ELMOD3: variants seen among roughly 807,000 people sequenced by gnomAD.
ELMOD3 encodes the protein ELMO domain containing 3.
A neutral mutation model predicts 47.4 loss-of-function variants in ELMOD3; 36 were observed. The observed-to-expected ratio is 0.76, with a 90% confidence interval of 0.58 to 1.00. ELMOD3 has a LOEUF of 1.00. Among genes scored for constraint, ELMOD3 ranks in the 50% least tolerant of loss-of-function variants. The pLI, the probability that ELMOD3 is intolerant of heterozygous loss-of-function variation, is 0.00. For synonymous variants in ELMOD3, 149 were observed against 183.5 expected, an observed-to-expected ratio of 0.81 and a Z score of 1.52; for missense variants, 404 against 463.8, an observed-to-expected ratio of 0.87 and a Z score of 1.18.
chr2:85,373,066 C>G (rs962500483), intron 10 of ELMOD3, among the ~76,000 whole-genome samples: 1 of 151,750 alleles, frequency 6.6e-6, no homozygotes, highest in Non-Finnish European at 1.5e-5. Context: ...ACCAGCCTGG[C>G]CAACATGGCG....
chr2:85,389,708 T>G, intron 11 of ELMOD3, 43 bp from the exon 12 acceptor site: 5 of 1,566,688 alleles, frequency 3.2e-6, no homozygotes, highest in Non-Finnish European at 4.4e-6. Flanking sequence ...GGAAACACAG[T>G]GAGAGCTGGA....
At chr2:85,359,456 G>T (rs950822021) in intron 4 of ELMOD3, among the ~76,000 whole-genome samples, 5 of 137,254 alleles carry the variant, frequency 3.6e-5, no homozygotes, top group Non-Finnish European at 7.6e-5. Flanking sequence ...TGCCCAGGCT[G>T]GAGTGCAATG....
chr2:85,371,411 G>T, intron 9 of ELMOD3, 29 bp from the exon 10 acceptor site: 1 of 1,613,676 alleles, frequency 6.2e-7, no homozygotes, highest in Non-Finnish European at 8.5e-7. Context: ...GGGCAATCTG[G>T]CAGAGAGTGT....
At chr2:85,371,795 A>G (rs1002366845) in intron 10 of ELMOD3, 1 of 438,498 alleles carries the variant, frequency 2.3e-6, no homozygotes, top group Non-Finnish European at 4.1e-6. Flanking sequence ...GCACTTTGGG[A>G]GGCTGAAGAG....
intron 4 of ELMOD3, 103 bp downstream of exon 4, chr2:85,357,355 C>T: frequency 1.4e-6 from 1 of 697,714 alleles, no homozygotes; most frequent in South Asian, 2.1e-5. Context: ...TTTAGAAACC[C>T]TCATTATAGT....
chr2:85,386,543 CCTAG>C (rs1006498796), intron 11 of ELMOD3, among the ~76,000 whole-genome samples: 2 of 151,952 alleles, frequency 1.3e-5, no homozygotes, highest in Admixed American at 6.6e-5. Flanking sequence ...CACCAGTACA[CCTAG>C]CTAATTTTTG....
chr2:85,362,261 G>A lies in ELMOD3; in HGVS notation c.129+1G>A, dbSNP rs779093145. On this transcript the variant is annotated splice_donor_variant, in intron 5 of 13. Coordinates refer to ENST00000409013, the MANE Select transcript of ELMOD3 (RefSeq NM_001135022.2). LOFTEE classifies it high-confidence loss of function. Reference sequence around the variant, plus strand: ...TGTTCTGGCTTTCAGAGGAATCCCTGTATGTATCACCCACAACTTGGTACC... The same window carrying A: ...TGTTCTGGCTTTCAGAGGAATCCCTATATGTATCACCCACAACTTGGTACC... The A allele has an allele frequency of 3.2e-6, 5 of 1,561,910 alleles. No homozygotes were observed. The South Asian group carries it at 5.6e-5, about 17-fold the overall frequency.
At chr2:85,373,092 T>C (rs1261326973) in intron 10 of ELMOD3, among the ~76,000 whole-genome samples, 1 of 151,430 alleles carries the variant, frequency 6.6e-6, no homozygotes, top group African/African-American at 2.4e-5. Flanking sequence ...CCATCTCTAC[T>C]AAAAATATAT....
intron 10 of ELMOD3, among the ~76,000 whole-genome samples, chr2:85,374,621 C>T (rs1685037580): frequency 6.6e-6 from 1 of 151,742 alleles, no homozygotes; most frequent in South Asian, 2.1e-4. Context: ...GGATTACAGG[C>T]ATAAGCCACC....
chr2:85,367,707 AC>A (rs1294334903), intron 6 of ELMOD3: 18 of 152,220 alleles, frequency 1.2e-4, no homozygotes, highest in African/African-American at 4.3e-4. Context: ...AAATTTAAAA[AC>A]AAAAAGAAAA....
rs1211034876 is a variant in ELMOD3, at chr2:85,390,992, G to A, written c.*30G>A. On this transcript the variant is annotated 3_prime_UTR_variant, in exon 14 of 14. Coordinates refer to ENST00000409013, the MANE Select transcript of ELMOD3 (RefSeq NM_001135022.2). The stretch of plus-strand genomic sequence containing the variant: ...CGAGATGAATGGAGGCTTAAAGGCT[G>A]AGCTGCAGGGGCTTTCAGGGGGTCA... 6.5e-7 allele frequency: 1 copy of A among 1,540,198 alleles called. No individual in the cohort carries two copies. Among genetic ancestry groups the A allele is most frequent in the Non-Finnish European group, 8.8e-7 (1 of 1,139,012 alleles).
intron 6 of ELMOD3, chr2:85,367,472 C>T (rs942314917): frequency 2.6e-5 from 4 of 152,246 alleles, no homozygotes; most frequent in African/African-American, 9.6e-5. Flanking sequence ...CTGGATGGCC[C>T]TGGGGCAAAG....
intron 6 of ELMOD3, among the ~76,000 whole-genome samples, 176 bp downstream of exon 6, chr2:85,363,342 T>G (rs1684121066): frequency 6.6e-6 from 1 of 152,206 alleles, no homozygotes; most frequent in Non-Finnish European, 1.5e-5. Context: ...AAGACCAGAG[T>G]TCTGATCTTC....
chr2:85,359,405 C>CTT (rs765640567), intron 4 of ELMOD3, among the ~76,000 whole-genome samples: 1,739 of 106,960 alleles, frequency 0.016, 122 homozygotes, highest in African/African-American at 0.054. Context: ...TTACATGACT[C>CTT]TTTTTTTTTT....
rs1684741751 is a variant in ELMOD3 at position 85,370,904 on chromosome 2, G to A, written c.361-182G>A. On this transcript the variant is annotated intron_variant, in intron 8 of 13. Transcript: ENST00000409013. ...TGCAAAAAATCTGGGAGCTGGAAGA[G>A]CCTGGCTCTAGAGACTCAACAGGTG... is the stretch of plus-strand genomic sequence containing the variant. 2.0e-5 allele frequency among the ~76,000 whole-genome samples: 3 copies of A among 152,254 alleles called. 1 individual carries two copies. The South Asian group carries it at 6.2e-4, about 31-fold the overall frequency.
intron 8 of ELMOD3, among the ~76,000 whole-genome samples, chr2:85,370,704 TC>T: frequency 6.6e-6 from 1 of 152,258 alleles, no homozygotes; most frequent in East Asian, 1.9e-4. Flanking sequence ...GTCATCTAAC[TC>T]TAGTGGGTCC....
chr2:85,357,018 T>C lies in ELMOD3; in HGVS notation c.-181T>C. The C allele has an allele frequency of 3.8e-6, 2 of 522,920 alleles. No individual in the cohort carries two copies. Among genetic ancestry groups the C allele is most frequent in the Admixed American group, 7.5e-5 (2 of 26,794 alleles). The allele number at this position is 522,920 out of a possible 1,614,324, so 32.4% of individuals were successfully genotyped here. A position where few individuals can be genotyped will look rare whatever the true frequency, so the allele number is the denominator to read the frequency against. On this transcript the variant is annotated 5_prime_UTR_variant, in exon 4 of 14. Coordinates refer to ENST00000409013, the MANE Select transcript of ELMOD3 (RefSeq NM_001135022.2). ...ACTTCTCTCAGCACTCACAGAAACC[T>C]CCTACACCCTCGGATGGCACAAAGG... is the stretch of plus-strand genomic sequence containing the variant.
chr2:85,360,063 C>CA (rs1394295718), intron 4 of ELMOD3, among the ~76,000 whole-genome samples: 3 of 151,820 alleles, frequency 2.0e-5, no homozygotes, highest in Non-Finnish European at 4.4e-5. Context: ...GACTCTATCT[C>CA]AAAAAAACCC....
At chr2:85,367,226 G>A (rs114307161) in intron 6 of ELMOD3, among the ~76,000 whole-genome samples, 4,508 of 152,260 alleles carry the variant, frequency 0.03, 125 homozygotes, top group African/African-American at 0.077. Context: ...TGATAAGCAC[G>A]GGTTGTCAGG....
Sources: gnomAD v4.1 joint callset for allele counts (sites outside exome capture counted in the v4.1 genomes callset) on GRCh38, gnomAD v4.1.1 for gene constraint, MANE v1.5 for transcripts, NCBI Gene and HGNC (gene_info 2026-07-23, HGNC 2026-07-21) for gene names.